Variants in CFDP1 observed in about 807,000 individuals in gnomAD.
CFDP1 encodes the protein heterochromatin-stabilizing protein CFDP1.
In CFDP1, 31 loss-of-function variants were observed where a neutral mutation model predicts 40.1. The ratio of observed to expected loss-of-function variants is 0.77; its 90% confidence interval spans 0.58 to 1.04. The LOEUF is 1.04. CFDP1 is among the 50% of genes least tolerant of loss of function. CFDP1 has a pLI of 0.00. For synonymous variants in CFDP1, 167 were observed against 120.0 expected, an observed-to-expected ratio of 1.39 and a Z score of -2.56; for missense variants, 423 against 343.4, an observed-to-expected ratio of 1.23 and a Z score of -1.83.
intron 5 of CFDP1, among the ~76,000 whole-genome samples, chr16:75,346,920 T>A (rs1166144372): frequency 6.6e-6 from 1 of 152,064 alleles, no homozygotes; most frequent in Non-Finnish European, 1.5e-5. Context: ...ACACAGATGG[T>A]CTTGTCTGTC....
chr16:75,413,399 A>G (rs1166477781), intron 2 of CFDP1, among the ~76,000 whole-genome samples: 2 of 152,046 alleles, frequency 1.3e-5, no homozygotes, highest in Admixed American at 1.3e-4. Flanking sequence ...TCATCACAAC[A>G]AGATGAGAAA....
intron 4 of CFDP1, among the ~76,000 whole-genome samples, chr16:75,402,127 A>G (rs760291912): frequency 4.6e-5 from 7 of 152,102 alleles, no homozygotes; most frequent in Non-Finnish European, 1.0e-4. Flanking sequence ...GCCTAGAACA[A>G]CTCCACTTTT....
intron 5 of CFDP1, among the ~76,000 whole-genome samples, chr16:75,362,649 C>T (rs556744599): frequency 6.4e-4 from 97 of 152,252 alleles, no homozygotes; most frequent in Middle Eastern, 3.4e-3. Context: ...CTTTCCTCTT[C>T]CATTCCTTCA....
chr16:75,306,515 G>C (rs2078258277), intron 5 of CFDP1: 1 of 152,120 alleles, frequency 6.6e-6, no homozygotes, highest in Admixed American at 6.6e-5. Flanking sequence ...TCCCTGTTTG[G>C]GTCACACCCC....
At chr16:75,431,912 T>A (rs1408409352) in intron 1 of CFDP1, among the ~76,000 whole-genome samples, 1 of 25,658 alleles carries the variant, frequency 3.9e-5, no homozygotes, top group Non-Finnish European at 1.3e-4. Context: ...ACTGGCTAAC[T>A]TTTTTTTTTT....
At chr16:75,390,940 T>C (rs2078944070) in intron 5 of CFDP1, among the ~76,000 whole-genome samples, 1 of 152,202 alleles carries the variant, frequency 6.6e-6, no homozygotes, top group Non-Finnish European at 1.5e-5. Flanking sequence ...TGAGAAAGTA[T>C]CATATTTGAG....
chr16:75,382,122 A>AG, intron 5 of CFDP1, among the ~76,000 whole-genome samples: 1 of 150,720 alleles, frequency 6.6e-6, no homozygotes. Flanking sequence ...GTCTCAAAAA[A>AG]GAAAAAAAAA....
chr16:75,375,238 C>T (rs1275425949), intron 5 of CFDP1, among the ~76,000 whole-genome samples: 1 of 151,880 alleles, frequency 6.6e-6, no homozygotes, highest in African/African-American at 2.4e-5. Flanking sequence ...AAAAACTCTG[C>T]TCATCTAAAC....
At chr16:75,321,876 T>A (rs1334936370) in intron 5 of CFDP1, 1 of 152,222 alleles carries the variant, frequency 6.6e-6, no homozygotes, top group Non-Finnish European at 1.5e-5. Flanking sequence ...CAGGCTGGAG[T>A]GCAGTCGTGC....
At chr16:75,394,153 G>C (rs1597379148) in intron 5 of CFDP1, among the ~76,000 whole-genome samples, 1 of 152,226 alleles carries the variant, frequency 6.6e-6, no homozygotes, top group Admixed American at 6.5e-5. Flanking sequence ...AAGGGCCACA[G>C]AAGCCACTGT....
chr16:75,331,368 C>A (rs536357607), intron 5 of CFDP1, among the ~76,000 whole-genome samples: 1 of 152,178 alleles, frequency 6.6e-6, no homozygotes, highest in African/African-American at 2.4e-5. Flanking sequence ...CCTCTCACCT[C>A]GGCCTCCCAA....
intron 1 of CFDP1, among the ~76,000 whole-genome samples, chr16:75,425,473 G>A (rs1399457350): frequency 6.6e-6 from 1 of 151,448 alleles, no homozygotes; most frequent in African/African-American, 2.4e-5. Context: ...AATAAAGTTG[G>A]AGTACTCTCT....
At chr16:75,431,170 G>T (rs905147205) in intron 1 of CFDP1, among the ~76,000 whole-genome samples, 18 of 151,948 alleles carry the variant, frequency 1.2e-4, no homozygotes, top group African/African-American at 3.9e-4. Flanking sequence ...AAAAACACTG[G>T]GCCTGGCACG....
intron 4 of CFDP1, among the ~76,000 whole-genome samples, chr16:75,399,261 C>G (rs1015410762): frequency 2.0e-5 from 3 of 152,092 alleles, no homozygotes; most frequent in Non-Finnish European, 4.4e-5. Context: ...GTAAAAATAA[C>G]CAAAATAAAC....
chr16:75,300,175 G>C (rs1326840362), intron 6 of CFDP1, among the ~76,000 whole-genome samples: 3 of 152,218 alleles, frequency 2.0e-5, no homozygotes, highest in African/African-American at 7.2e-5. Flanking sequence ...GCCTGTACTG[G>C]GGTGGTGGTA....
intron 5 of CFDP1, among the ~76,000 whole-genome samples, chr16:75,381,508 G>A (rs1018211540): frequency 6.6e-6 from 1 of 152,084 alleles, no homozygotes; most frequent in Non-Finnish European, 1.5e-5. Flanking sequence ...TGACACTGAG[G>A]TTGGGGCTCA....
chr16:75,329,504 CTTTTTT>C (rs1483524871), intron 5 of CFDP1, among the ~76,000 whole-genome samples: 1 of 152,070 alleles, frequency 6.6e-6, no homozygotes, highest in East Asian at 1.9e-4. Context: ...GCTACTGCTT[CTTTTTT>C]TAAGAGACAA....
rs936242781 is a variant in CFDP1 at position 75,358,697 on chromosome 16, G to A, written c.650+36393C>T. ...TATGGTTATTCATACTTAAGTATTC[G>A]ACAGACATTTTCTCTTTTCTCGAAA... is the stretch of plus-strand genomic sequence containing the variant. On this transcript the variant is annotated intron_variant, in intron 5 of 6. Transcript: ENST00000283882. Among the ~76,000 whole-genome samples, 3 of 151,774 alleles carry A rather than the reference G, an allele frequency of 2.0e-5. No homozygotes were observed. The South Asian group carries it at 6.3e-4, about 32-fold the overall frequency.
chr16:75,359,092 C>A (rs1408525891), intron 5 of CFDP1, among the ~76,000 whole-genome samples: 1 of 152,206 alleles, frequency 6.6e-6, no homozygotes. Context: ...TTATATAATT[C>A]AGCCAAAACA....
Sources: gnomAD v4.1 joint callset for allele counts (sites outside exome capture counted in the v4.1 genomes callset) on GRCh38, gnomAD v4.1.1 for gene constraint, MANE v1.5 for transcripts, NCBI Gene and HGNC (gene_info 2026-07-23, HGNC 2026-07-21) for gene names.